AIG1: variants seen among roughly 807,000 people sequenced by gnomAD.
AIG1 encodes the protein androgen induced 1, also known as androgen-induced gene 1 protein.
A neutral mutation model predicts 31.4 loss-of-function variants in AIG1; 23 were observed. The ratio of observed to expected loss-of-function variants is 0.73; its 90% CI spans 0.53 to 1.04. The LOEUF is 1.04. Ranked by LOEUF, AIG1 falls within the 50% of genes least tolerant of loss-of-function variation. The probability of loss-of-function intolerance (pLI) is 0.00; values close to 1 mark genes in which losing one functional copy is unlikely to be tolerated. For synonymous variants in AIG1, 100 were observed against 110.5 expected, an observed-to-expected ratio of 0.90 and a Z score of 0.60; for missense variants, 274 against 295.0, an observed-to-expected ratio of 0.93 and a Z score of 0.52.
At chr6:143,248,071 T>C (rs1015181317) in intron 3 of AIG1, among the ~76,000 whole-genome samples, 1 of 152,200 alleles carries the variant, frequency 6.6e-6, no homozygotes, top group Non-Finnish European at 1.5e-5. Context: ...AGTACTTGTT[T>C]GTGGTCTCCT....
chr6:143,182,686 A>G (rs924327754), intron 3 of AIG1, among the ~76,000 whole-genome samples: 7 of 152,292 alleles, frequency 4.6e-5, no homozygotes, highest in Admixed American at 1.3e-4. Context: ...TTTATTGTCT[A>G]TCTTCCCTTG....
At chr6:143,199,897 A>C (rs1288532726) in intron 3 of AIG1, among the ~76,000 whole-genome samples, 5 of 152,176 alleles carry the variant, frequency 3.3e-5, no homozygotes, top group Non-Finnish European at 7.3e-5. Flanking sequence ...CCTGGATTAG[A>C]TATTATAAGC....
At chr6:143,276,627 A>G (rs1265711966) in intron 3 of AIG1, among the ~76,000 whole-genome samples, 1 of 152,114 alleles carries the variant, frequency 6.6e-6, no homozygotes, top group Non-Finnish European at 1.5e-5. Context: ...GACCCATGAC[A>G]AGAGGAAGTT....
intron 5 of AIG1, 45 bp from the exon 6 acceptor site, chr6:143,339,594 G>C: frequency 1.3e-6 from 2 of 1,594,538 alleles, no homozygotes; most frequent in Non-Finnish European, 1.7e-6. Flanking sequence ...AACTGCTTGT[G>C]GTTTAATCTG....
At chr6:143,217,677 T>G (rs144358952) in intron 3 of AIG1, among the ~76,000 whole-genome samples, 1,539 of 152,092 alleles carry the variant, frequency 0.01, 12 homozygotes, top group Non-Finnish European at 0.018. Context: ...CCTGGCTAAG[T>G]TTTGTATTTT....
chr6:143,326,416 C>T lies in AIG1; in HGVS notation c.516-6866C>T, dbSNP rs1420950361. ...CTCAATGAATTCTTATCCTTTCTAT[C>T]ACAGTTTAAATGCTACTTTATTCAT... On this transcript the variant is annotated intron_variant, in intron 4 of 5. Coordinates refer to ENST00000357847, the MANE Select transcript of AIG1 (RefSeq NM_016108.4). This position sits in a 1 kb window ranked among gnomAD's most constrained non-coding sequence, Gnocchi z 4.5. Among the ~76,000 whole-genome samples the T allele has an allele frequency of 6.6e-6, 1 of 152,138 alleles. No homozygotes were observed.
chr6:143,113,854 A>T (rs914849826), intron 1 of AIG1, among the ~76,000 whole-genome samples: 5 of 151,512 alleles, frequency 3.3e-5, no homozygotes, highest in African/African-American at 1.2e-4. Context: ...GGCTCACTGC[A>T]AGCTCTGCCT....
chr6:143,209,965 T>C (rs1412484826), intron 3 of AIG1, among the ~76,000 whole-genome samples: 2 of 152,308 alleles, frequency 1.3e-5, no homozygotes, highest in Middle Eastern at 3.4e-3. Context: ...TCAAATACAC[T>C]AGTTGATACA....
At chr6:143,060,093 T>G (rs1776103782), upstream of AIG1, among the ~76,000 whole-genome samples, 1 of 152,260 alleles carries the variant, frequency 6.6e-6, no homozygotes, top group Non-Finnish European at 1.5e-5. Flanking sequence ...GAAAGTTATT[T>G]GAAAATCCTT....
intron 4 of AIG1, among the ~76,000 whole-genome samples, chr6:143,287,810 G>A (rs1010457114): frequency 4.8e-5 from 7 of 146,576 alleles, no homozygotes; most frequent in Non-Finnish European, 8.9e-5. Flanking sequence ...TCAACAAATA[G>A]TAGTATAAAC....
chr6:143,171,135 A>C lies in AIG1; in HGVS notation c.399+5952A>C, dbSNP rs543779011. 8.2e-4 allele frequency among the ~76,000 whole-genome samples: 124 copies of C among 151,688 alleles called. 1 individual carries two copies. Among genetic ancestry groups the C allele is most frequent in the Non-Finnish European group, 1.6e-4 (11 of 67,808 alleles). On this transcript the variant is annotated intron_variant, in intron 3 of 5. Transcript: ENST00000357847. ...AAATCAACAAGTAGATAAACCAAAA[A>C]AGGTTCTCTCTGAAGCAAATTATAG...
intron 1 of AIG1, among the ~76,000 whole-genome samples, chr6:143,127,807 C>T (rs1782825908): frequency 6.6e-6 from 1 of 152,054 alleles, no homozygotes; most frequent in Non-Finnish European, 1.5e-5. Context: ...TATGCCTCAG[C>T]CTCCCAAGTA....
intron 3 of AIG1, among the ~76,000 whole-genome samples, chr6:143,228,166 A>AAT (rs1287575591): frequency 6.6e-6 from 1 of 152,174 alleles, no homozygotes; most frequent in African/African-American, 2.4e-5. Context: ...AGCAGCTTGG[A>AAT]ATATGCTTTG....
chr6:143,323,088 A>G (rs192804922), intron 4 of AIG1, among the ~76,000 whole-genome samples: 3 of 152,326 alleles, frequency 2.0e-5, no homozygotes, highest in Admixed American at 2.0e-4. Context: ...AATAGTATCC[A>G]AGGTGAACTA....
chr6:143,323,539 T>C (rs1175368906), intron 4 of AIG1, among the ~76,000 whole-genome samples: 2 of 152,222 alleles, frequency 1.3e-5, no homozygotes, highest in African/African-American at 2.4e-5. Flanking sequence ...AGAGATGATT[T>C]CAATATTATT....
upstream of AIG1, among the ~76,000 whole-genome samples, chr6:143,059,229 C>A (rs962834223): frequency 6.6e-6 from 1 of 152,146 alleles, no homozygotes; most frequent in Non-Finnish European, 1.5e-5. Context: ...CGCTCCAGTC[C>A]CCTTTCATGC....
chr6:143,100,875 G>A (rs1195276666), intron 1 of AIG1, among the ~76,000 whole-genome samples: 3 of 151,904 alleles, frequency 2.0e-5, no homozygotes, highest in Admixed American at 2.0e-4. Flanking sequence ...AGGAGAGATG[G>A]GGTTTCACCA....
intron 4 of AIG1, among the ~76,000 whole-genome samples, chr6:143,286,434 G>A (rs1323759587): frequency 6.6e-6 from 1 of 152,202 alleles, no homozygotes. Context: ...AGCATTCAAA[G>A]TAGACTTTTT....
At chr6:143,189,479 TTGA>T in intron 3 of AIG1, 2 of 985,040 alleles carry the variant, frequency 2.0e-6, no homozygotes, top group East Asian at 1.1e-4. Context: ...GAAATCAAGC[TTGA>T]TGATATTTCA....
Sources: gnomAD v4.1 joint callset for allele counts (sites outside exome capture counted in the v4.1 genomes callset) on GRCh38, gnomAD v4.1.1 for gene constraint, Gnocchi (gnomAD v3.1) non-coding constraint, MANE v1.5 for transcripts, NCBI Gene and HGNC (gene_info 2026-07-23, HGNC 2026-07-21) for gene names.